The following TRIM36 variants were observed in gnomAD, a reference collection of about 807,000 sequenced individuals.
The protein encoded by TRIM36 is tripartite motif containing 36.
In TRIM36, 42 loss-of-function variants were observed where a neutral mutation model predicts 72.4. The ratio of observed to expected loss-of-function variants is 0.58; its 90% CI spans 0.45 to 0.75. TRIM36 has a LOEUF of 0.75. Ranked by LOEUF, TRIM36 falls within the 30% of genes least tolerant of loss-of-function variation. The pLI, the probability that TRIM36 is intolerant of heterozygous loss-of-function variation, is 0.00. For synonymous variants in TRIM36, 315 were observed against 282.8 expected (o/e 1.11, Z -1.14); for missense variants, 913 against 857.1 (o/e 1.07, Z -0.81).
In TRIM36 at chr5:115,169,825, G is replaced by A; in HGVS notation, c.-191C>T. 7.6e-7 allele frequency: 1 copy of A among 1,322,208 alleles called. No homozygotes were observed. Among genetic ancestry groups the A allele is most frequent in the East Asian group, 3.0e-5 (1 of 32,838 alleles). 81.9% of individuals were successfully genotyped at this position (1,322,208 alleles called of 1,614,324 possible). A position where few individuals can be genotyped will look rare whatever the true frequency, so the allele number is the denominator to read the frequency against. ...AGCCGGGGCAGGCAAAAGCACAGGC[G>A]CGGGAGAAGCGAGCTTTGCTCCCAG... On this transcript the variant is annotated 5_prime_UTR_variant, in exon 1 of 10. Transcript: ENST00000513154.
intron 1 of TRIM36, 79 bp downstream of exon 1, chr5:115,169,529 C>A (rs545513844): frequency 1.4e-6 from 2 of 1,437,528 alleles, no homozygotes; most frequent in Non-Finnish European, 1.9e-6. Context: ...TCCCTCCGGG[C>A]TCCCGGCGGA....
chr5:115,160,513 T>C (rs915748081), intron 2 of TRIM36, among the ~76,000 whole-genome samples: 1 of 152,104 alleles, frequency 6.6e-6, no homozygotes, highest in African/African-American at 2.4e-5. Flanking sequence ...TACTGGACAA[T>C]CCGGGTTTAA....
At chr5:115,164,130 A>C (rs780062616) in intron 1 of TRIM36, among the ~76,000 whole-genome samples, 1 of 152,224 alleles carries the variant, frequency 6.6e-6, no homozygotes, top group Non-Finnish European at 1.5e-5. Context: ...TACAGCACTA[A>C]GAGTAAGACT....
intron 2 of TRIM36, among the ~76,000 whole-genome samples, chr5:115,151,780 G>A (rs974987208): frequency 2.0e-5 from 3 of 152,154 alleles, no homozygotes; most frequent in Non-Finnish European, 2.9e-5. Context: ...CCAGAAGAGA[G>A]AACAATCACT....
upstream of TRIM36, among the ~76,000 whole-genome samples, chr5:115,173,616 G>T (rs911805594): frequency 6.6e-6 from 1 of 152,104 alleles, no homozygotes; most frequent in Non-Finnish European, 1.5e-5. Context: ...GTCTGGTAAA[G>T]TATGGAAGGC....
chr5:115,137,644 C>G, intron 5 of TRIM36, 28 bp from the exon 6 acceptor site: 1 of 1,537,174 alleles, frequency 6.5e-7, no homozygotes, highest in Non-Finnish European at 8.7e-7. Context: ...CTCCATTACA[C>G]TAAGATAAAA....
In TRIM36 at chr5:115,126,332, C is replaced by A. The variant is rs1379411548; in HGVS notation, c.*171G>T. On this transcript the variant is annotated 3_prime_UTR_variant, in exon 10 of 10. Coordinates refer to ENST00000513154, the MANE Select transcript of TRIM36 (RefSeq NM_001300759.2). The stretch of plus-strand genomic sequence containing the variant: ...CTTTCATCATTTGTGAAAGGCAGAA[C>A]AACGACATGAAGACACAAGGCTGTT... The A allele has an allele frequency of 3.5e-6, 2 of 574,320 alleles. No individual in the cohort carries two copies. The allele number at this position is 574,320 out of a possible 1,614,324, so 35.6% of individuals were successfully genotyped here.
Position 115,130,578 on chromosome 5 carries a change from A to C in TRIM36, c.1796+14T>G. The stretch of plus-strand genomic sequence containing the variant: ...TAAAAAATTATCAAGTTCTAGATCA[A>C]TACAAAAACCTACCTTGGACTAACT... On this transcript the variant is annotated intron_variant, in intron 9 of 9. Coordinates refer to ENST00000513154, the MANE Select transcript of TRIM36 (RefSeq NM_001300759.2). The C allele has an allele frequency of 4.4e-6, 7 of 1,608,550 alleles. No individual in the cohort carries two copies. Among genetic ancestry groups the C allele is most frequent in the Non-Finnish European group, 5.9e-6 (7 of 1,177,382 alleles).
intron 4 of TRIM36, 30 bp from the exon 5 acceptor site, chr5:115,141,404 A>G: frequency 6.7e-7 from 1 of 1,501,954 alleles, no homozygotes; most frequent in Non-Finnish European, 9.0e-7. Context: ...ACACAAATAG[A>G]CAAAACGGGA....
chr5:115,138,391 G>C (rs1004869100), intron 5 of TRIM36, among the ~76,000 whole-genome samples: 1 of 151,996 alleles, frequency 6.6e-6, no homozygotes, highest in Non-Finnish European at 1.5e-5. Flanking sequence ...GAGCCACCGC[G>C]CCTGGCCTAA....
chr5:115,143,222 C>CAAAAAAAAAA (rs59083853), intron 4 of TRIM36, among the ~76,000 whole-genome samples: 6 of 57,484 alleles, frequency 1.0e-4, no homozygotes, highest in African/African-American at 3.2e-4. Context: ...ACCAGCCAGA[C>CAAAAAAAAAA]AAAAAAAAAA....
In TRIM36 at chr5:115,147,070, T is replaced by C; in HGVS notation, c.587A>G (p.Lys196Arg). The change falls in exon 3 of 10, where the codon AAG becomes AGG. Residue 196 changes from lysine (K) to arginine (R), a missense_variant and splice_region_variant. By Grantham distance (26) the Lys-to-Arg change is conservative. Coordinates refer to ENST00000513154, the MANE Select transcript of TRIM36 (RefSeq NM_001300759.2). ...YVGPTTNFRP[K>R]ILMCPEHETE... is the part of the protein sequence containing the mutation. ...TAACTTAATAAAAACTTCACTTACCTTGGGTCTGAAGTTAGTAGTTGGACC... is the reference window on the plus strand; with the variant it reads ...TAACTTAATAAAAACTTCACTTACCCTGGGTCTGAAGTTAGTAGTTGGACC... The C allele has an allele frequency of 6.2e-7, 1 of 1,605,220 alleles. No homozygotes were observed. Among genetic ancestry groups the C allele is most frequent in the Non-Finnish European group, 8.5e-7 (1 of 1,174,022 alleles).
chr5:115,164,693 A>G (rs1159296773), intron 1 of TRIM36, among the ~76,000 whole-genome samples: 1 of 152,152 alleles, frequency 6.6e-6, no homozygotes, highest in Non-Finnish European at 1.5e-5. Flanking sequence ...ACCTAACCAT[A>G]TCATTGTGGC....
At chr5:115,144,874 G>A (rs1753495245) in intron 3 of TRIM36, 130 bp from the exon 4 acceptor site, 3 of 993,632 alleles carry the variant, frequency 3.0e-6, no homozygotes, top group East Asian at 2.6e-5. Context: ...AATGTAAAAA[G>A]AAAAATGGTT....
chr5:115,144,980 C>G (rs575212679), intron 3 of TRIM36, among the ~76,000 whole-genome samples: 1 of 152,250 alleles, frequency 6.6e-6, no homozygotes, highest in South Asian at 2.1e-4. Flanking sequence ...GGCCATACCC[C>G]TCTGAACATG....
At chr5:115,135,742 G>A (rs1193740610) in intron 7 of TRIM36, among the ~76,000 whole-genome samples, 1 of 152,082 alleles carries the variant, frequency 6.6e-6, no homozygotes, top group African/African-American at 2.4e-5. Context: ...ACAGTATAGT[G>A]TATGAAATAC....
intron 2 of TRIM36, among the ~76,000 whole-genome samples, chr5:115,161,154 C>CTTTGCACAA (rs1754462741): frequency 6.6e-6 from 1 of 151,656 alleles, no homozygotes; most frequent in Admixed American, 6.6e-5. Context: ...GTAATTACAG[C>CTTTGCACAA]TGTTATAAAG....
At position 115,147,354 on chromosome 5, in the gene TRIM36, G is replaced by C; in HGVS notation, c.303C>G (p.Phe101Leu). 1 of 1,613,568 alleles carries C rather than the reference G, an allele frequency of 6.2e-7. No individual in the cohort carries two copies. The highest frequency in any genetic ancestry group is 8.5e-7 in the Non-Finnish European group (1 of 1,179,442). ...RNSLTPRTTVFPCPGCEHDVD... is the reference protein window; with the variant it reads ...RNSLTPRTTVLPCPGCEHDVD... Reference sequence around the variant, plus strand: ...CATCATGCTCACAGCCAGGGCAAGGGAAAACAGTTGTCCTCGGGGTCAATG... The same window carrying C: ...CATCATGCTCACAGCCAGGGCAAGGCAAAACAGTTGTCCTCGGGGTCAATG... The change falls in exon 3 of 10, where the codon TTC (phenylalanine) becomes TTG (leucine). Residue 101 changes from phenylalanine (F) to leucine (L), a missense_variant. Transcript: ENST00000513154.
At chr5:115,138,449 A>T (rs1444519301) in intron 5 of TRIM36, among the ~76,000 whole-genome samples, 1 of 152,176 alleles carries the variant, frequency 6.6e-6, no homozygotes, top group Non-Finnish European at 1.5e-5. Context: ...CTTTACTAAG[A>T]TATAAAAATA....
Sources: gnomAD v4.1 joint callset for allele counts (sites outside exome capture counted in the v4.1 genomes callset) on GRCh38, gnomAD v4.1.1 for gene constraint, MANE v1.5 for transcripts, NCBI Gene and HGNC (gene_info 2026-07-23, HGNC 2026-07-21) for gene names.